Variants in SYT9 observed in about 807,000 individuals in gnomAD.
SYT9 encodes the protein synaptotagmin 9.
Under a neutral mutation model 48.4 loss-of-function variants are expected in SYT9, and 22 were observed. The ratio of observed to expected loss-of-function variants is 0.45; its 90% CI spans 0.32 to 0.65. The LOEUF (loss-of-function observed/expected upper bound fraction) is 0.65, where lower values mean the gene tolerates loss of function less well. SYT9 is among the 30% of genes least tolerant of loss of function. SYT9 has a pLI of 0.03. For missense variants in SYT9, 577 were observed against 622.0 expected (o/e 0.93, Z 0.77); for synonymous variants, 265 against 245.0 (o/e 1.08, Z -0.76).
chr11:7,301,763 G>T (rs1192740589), intron 1 of SYT9, among the ~76,000 whole-genome samples: 1 of 152,168 alleles, frequency 6.6e-6, no homozygotes, highest in Non-Finnish European at 1.5e-5. Context: ...AATCCTTGGG[G>T]CTCCAGAGTG....
intron 3 of SYT9, among the ~76,000 whole-genome samples, chr11:7,322,382 G>A (rs539402493): frequency 2.8e-4 from 42 of 152,192 alleles, no homozygotes; most frequent in Non-Finnish European, 4.9e-4. Context: ...CAGCTGCCAA[G>A]AGGGAAGCCA....
intron 1 of SYT9, among the ~76,000 whole-genome samples, chr11:7,282,932 A>G (rs1310708664): frequency 2.0e-5 from 3 of 151,382 alleles, no homozygotes; most frequent in Admixed American, 6.6e-5. Context: ...ACACGCACAC[A>G]CACACACACA....
chr11:7,329,633 T>C lies in SYT9; in HGVS notation c.1044+15692T>C, dbSNP rs919490465. Among the ~76,000 whole-genome samples the C allele has an allele frequency of 5.3e-5, 8 of 152,214 alleles. No individual in the cohort carries two copies. The East Asian group carries it at 9.6e-4, about 18-fold the overall frequency. On this transcript the variant is annotated intron_variant, in intron 3 of 6. Transcript: ENST00000318881. The stretch of plus-strand genomic sequence containing the variant: ...TCCCAATGTCTCCGCTTATTTCTTA[T>C]TGGACAAAGCTCTGTCACAAAACCA...
At chr11:7,294,248 G>A (rs1273387136) in intron 1 of SYT9, among the ~76,000 whole-genome samples, 1 of 152,038 alleles carries the variant, frequency 6.6e-6, no homozygotes, top group African/African-American at 2.4e-5. Flanking sequence ...GAATTTGGGG[G>A]GGACACAAGC....
chr11:7,309,770 T>C (rs1849096971), intron 2 of SYT9, among the ~76,000 whole-genome samples: 1 of 152,172 alleles, frequency 6.6e-6, no homozygotes, highest in Non-Finnish European at 1.5e-5. Flanking sequence ...TTCCTTATTT[T>C]CAGCCCCCAG....
chr11:7,317,190 A>T (rs73395951), intron 3 of SYT9, among the ~76,000 whole-genome samples: 1,685 of 152,326 alleles, frequency 0.011, 30 homozygotes, highest in African/African-American at 0.039. Context: ...ATGTCAGGAA[A>T]GATATTTCTC....
At chr11:7,299,389 T>G (rs1848873938) in intron 1 of SYT9, among the ~76,000 whole-genome samples, 1 of 152,178 alleles carries the variant, frequency 6.6e-6, no homozygotes, top group Non-Finnish European at 1.5e-5. Flanking sequence ...GTCTAGACAA[T>G]TATGCTTGGT....
chr11:7,360,047 T>A (rs1390870425), intron 3 of SYT9, among the ~76,000 whole-genome samples: 1 of 151,906 alleles, frequency 6.6e-6, no homozygotes, highest in African/African-American at 2.4e-5. Context: ...AAGGAAGGGA[T>A]CCAGTTTCAG....
chr11:7,453,549 T>C lies in SYT9; in HGVS notation c.1468-13243T>C, dbSNP rs561893491. 3.7e-4 allele frequency among the ~76,000 whole-genome samples: 56 copies of C among 152,170 alleles called. No individual in the cohort carries two copies. The South Asian group carries it at 5.8e-3, about 16-fold the overall frequency. Reference sequence around the variant, plus strand: ...ATTCTGGTGGAGGGAGACAGGCAAATTGCATACAGTTGAACAGAAAATAGG... The same window carrying C: ...ATTCTGGTGGAGGGAGACAGGCAAACTGCATACAGTTGAACAGAAAATAGG... On this transcript the variant is annotated intron_variant, in intron 6 of 6. Coordinates refer to ENST00000318881, the MANE Select transcript of SYT9 (RefSeq NM_175733.4).
At chr11:7,400,274 G>A (rs191588985) in intron 3 of SYT9, among the ~76,000 whole-genome samples, 25 of 152,286 alleles carry the variant, frequency 1.6e-4, no homozygotes, top group African/African-American at 5.1e-4. Context: ...CACAACTTCT[G>A]TCCTGTAACT....
chr11:7,289,385 G>A (rs1848658073), intron 1 of SYT9, among the ~76,000 whole-genome samples: 1 of 152,062 alleles, frequency 6.6e-6, no homozygotes, highest in Non-Finnish European at 1.5e-5. Context: ...TTCTGGAGAT[G>A]GATAGTGGAT....
At chr11:7,453,120 G>A (rs545680202) in intron 6 of SYT9, among the ~76,000 whole-genome samples, 11 of 151,654 alleles carry the variant, frequency 7.3e-5, no homozygotes, top group South Asian at 2.1e-4. Flanking sequence ...GCCGGGCACC[G>A]TGGCTCATGC....
At chr11:7,403,414 T>C (rs1287509610) in intron 3 of SYT9, among the ~76,000 whole-genome samples, 1 of 152,112 alleles carries the variant, frequency 6.6e-6, no homozygotes, top group Non-Finnish European at 1.5e-5. Flanking sequence ...TATCCAGGCA[T>C]GGTGACATGT....
At chr11:7,335,469 C>T (rs1405929538) in intron 3 of SYT9, among the ~76,000 whole-genome samples, 1 of 152,076 alleles carries the variant, frequency 6.6e-6, no homozygotes, top group East Asian at 1.9e-4. Context: ...CCTCCTCCCA[C>T]CCTCCACCCC....
chr11:7,353,369 C>T (rs1450813068), intron 3 of SYT9, among the ~76,000 whole-genome samples: 2 of 152,194 alleles, frequency 1.3e-5, no homozygotes, highest in Non-Finnish European at 2.9e-5. Flanking sequence ...CTCCGGCACT[C>T]AGCCCCTGCA....
At chr11:7,396,465 A>G (rs1846754731) in intron 3 of SYT9, among the ~76,000 whole-genome samples, 1 of 152,130 alleles carries the variant, frequency 6.6e-6, no homozygotes, top group South Asian at 2.1e-4. Flanking sequence ...TTGCTGGTTA[A>G]TATGCCATTG....
At chr11:7,387,599 T>A (rs1850686028) in intron 3 of SYT9, among the ~76,000 whole-genome samples, 1 of 152,190 alleles carries the variant, frequency 6.6e-6, no homozygotes, top group Non-Finnish European at 1.5e-5. Context: ...TCAAATACAA[T>A]GTTCAATAGA....
At chr11:7,393,257 T>C (rs1421048769) in intron 3 of SYT9, among the ~76,000 whole-genome samples, 1 of 151,424 alleles carries the variant, frequency 6.6e-6, no homozygotes, top group Non-Finnish European at 1.5e-5. Flanking sequence ...GCTCTTTCTA[T>C]TTTGAGGTAT....
intron 6 of SYT9, among the ~76,000 whole-genome samples, chr11:7,447,501 C>T (rs1213770498): frequency 6.6e-6 from 1 of 152,216 alleles, no homozygotes; most frequent in African/African-American, 2.4e-5. Flanking sequence ...CTACACAAAG[C>T]TCCCTCACAA....
Sources: allele counts gnomAD v4.1 joint callset (sites outside exome capture counted in the v4.1 genomes callset), GRCh38; gene constraint gnomAD v4.1.1; transcripts MANE v1.5; gene names NCBI Gene and HGNC (gene_info 2026-07-23, HGNC 2026-07-21).